NRXN1: variants seen among roughly 807,000 people sequenced by gnomAD.
The protein encoded by NRXN1 is neurexin-1.
NRXN1 carries 39 observed loss-of-function variants against 150.9 expected under a neutral mutation model. That is an observed-to-expected ratio of 0.26 (90% CI 0.20 to 0.34). The LOEUF is 0.34. NRXN1 is among the 10% of genes least tolerant of loss of function. The pLI is 1.00. For synonymous variants in NRXN1, 924 were observed against 757.0 expected, an observed-to-expected ratio of 1.22 and a Z score of -3.62; for missense variants, 1,815 against 1,949.9, an observed-to-expected ratio of 0.93 and a Z score of 1.30.
intron 2 of NRXN1, among the ~76,000 whole-genome samples, chr2:50,996,087 G>A (rs1313222327): frequency 6.6e-6 from 1 of 152,086 alleles, no homozygotes; most frequent in East Asian, 1.9e-4. Flanking sequence ...GGTTCTGCAA[G>A]GAGATATGTT....
chr2:50,383,105 G>A (rs1437283175), intron 17 of NRXN1, among the ~76,000 whole-genome samples: 1 of 152,092 alleles, frequency 6.6e-6, no homozygotes, highest in African/African-American at 2.4e-5. Flanking sequence ...GGGCCAATCA[G>A]GTTGTGCAGA....
intron 5 of NRXN1, among the ~76,000 whole-genome samples, chr2:50,754,289 C>T (rs1381262967): frequency 1.3e-5 from 2 of 151,812 alleles, no homozygotes; most frequent in Admixed American, 1.3e-4. Context: ...GATACATATA[C>T]ACACATCCTC....
chr2:50,331,060 AAAAGT>A (rs1481359860), intron 17 of NRXN1, among the ~76,000 whole-genome samples: 2 of 152,182 alleles, frequency 1.3e-5, no homozygotes, highest in East Asian at 3.8e-4. Context: ...TTTTTTAAAG[AAAAGT>A]ATAGATGATT....
chr2:50,312,866 G>A (rs767315971), intron 17 of NRXN1: 2 of 456,062 alleles, frequency 4.4e-6, no homozygotes, highest in South Asian at 1.5e-5. Context: ...TTTTGATAGA[G>A]GCAGGCAGTG....
intron 18 of NRXN1, among the ~76,000 whole-genome samples, chr2:50,217,466 G>A (rs1157194263): frequency 1.3e-5 from 2 of 151,914 alleles, no homozygotes; most frequent in East Asian, 3.9e-4. Flanking sequence ...AAACTTATTG[G>A]ACCTTCTTTT....
chr2:50,193,350 G>C (rs1195113975), intron 18 of NRXN1, among the ~76,000 whole-genome samples: 1 of 152,014 alleles, frequency 6.6e-6, no homozygotes, highest in Non-Finnish European at 1.5e-5. Context: ...GAGTGTTCTG[G>C]TATTGTCCCA....
intron 5 of NRXN1, among the ~76,000 whole-genome samples, chr2:50,644,116 C>T (rs767517286): frequency 8.1e-4 from 122 of 150,654 alleles, no homozygotes; most frequent in Non-Finnish European, 9.9e-4. Flanking sequence ...TATTTTTTAA[C>T]GTTCAGGTAA....
chr2:50,230,685 T>C (rs1177389209), intron 18 of NRXN1, among the ~76,000 whole-genome samples: 1 of 151,964 alleles, frequency 6.6e-6, no homozygotes, highest in Non-Finnish European at 1.5e-5. Flanking sequence ...AGGAAATAAC[T>C]CTAGAATTCT....
At chr2:50,452,569 A>G (rs2087075758) in intron 17 of NRXN1, among the ~76,000 whole-genome samples, 1 of 152,190 alleles carries the variant, frequency 6.6e-6, no homozygotes, top group Non-Finnish European at 1.5e-5. Flanking sequence ...AGATCTTACT[A>G]GATATGGGCT....
At chr2:50,643,965 T>C (rs1227870252) in intron 5 of NRXN1, among the ~76,000 whole-genome samples, 1 of 151,910 alleles carries the variant, frequency 6.6e-6, no homozygotes, top group African/African-American at 2.4e-5. Flanking sequence ...CAGTCTATAA[T>C]TTAAAGTTTG....
intron 5 of NRXN1, chr2:50,656,316 A>G: frequency 2.7e-6 from 2 of 746,692 alleles, no homozygotes; most frequent in South Asian, 1.5e-5. Context: ...ATCAATTTTA[A>G]AAGTAACACT....
intron 2 of NRXN1, among the ~76,000 whole-genome samples, chr2:50,951,912 T>C (rs1229398649): frequency 2.0e-5 from 3 of 148,292 alleles, no homozygotes; most frequent in Non-Finnish European, 3.0e-5. Flanking sequence ...ATGAATTTCA[T>C]TTTTAGAGTA....
At position 51,028,257 on chromosome 2, in the gene NRXN1, A is replaced by G. The variant is rs1220439982; in HGVS notation, c.17T>C (p.Leu6Pro). 6.9e-7 allele frequency: 1 copy of G among 1,455,362 alleles called. No individual in the cohort carries two copies. Among genetic ancestry groups the G allele is most frequent in the Non-Finnish European group, 9.0e-7 (1 of 1,110,332 alleles). 90.2% of individuals were successfully genotyped at this position (1,455,362 alleles called of 1,614,324 possible). MGTALLQRGGCFLLCL... is the reference protein window; with the variant it reads MGTALPQRGGCFLLCL... ...CAGAAGAAAACAGCCCCCGCGCTGG[A>G]GCAGCGCCGTCCCCATGCTCGGGGC... The change falls in exon 2 of 23, where the codon CTC becomes CCC. Residue 6 changes from leucine to proline, a missense_variant. This residue lies in a region of NRXN1 where 554 missense variants were observed against 478.8 expected (regional missense o/e 1.16). Transcript: ENST00000401669.
At chr2:50,009,997 G>T (rs1685392240) in intron 21 of NRXN1, among the ~76,000 whole-genome samples, 1 of 151,888 alleles carries the variant, frequency 6.6e-6, no homozygotes, top group Non-Finnish European at 1.5e-5. Flanking sequence ...ATATATTTTT[G>T]CACTCTCTTT....
At chr2:50,297,009 A>G (rs1203189239) in intron 17 of NRXN1, among the ~76,000 whole-genome samples, 2 of 151,610 alleles carry the variant, frequency 1.3e-5, no homozygotes, top group Non-Finnish European at 2.9e-5. Context: ...CAGGCTCCCA[A>G]GTAGCTGGGA....
At chr2:50,173,634 C>T (rs1053111869) in intron 18 of NRXN1, among the ~76,000 whole-genome samples, 14 of 152,122 alleles carry the variant, frequency 9.2e-5, no homozygotes, top group African/African-American at 3.4e-4. Flanking sequence ...ACATGCATAA[C>T]GAGCCCATTT....
rs1278680539 is a variant in NRXN1, at chr2:50,552,889, G to T, written c.1457C>A (p.Thr486Asn). 1.2e-6 allele frequency: 2 copies of T among 1,613,932 alleles called. No homozygotes were observed. The highest frequency in any genetic ancestry group is 1.7e-5 in the Admixed American group (1 of 60,022). ...VATLDPITFE[T>N]PESFISLPKW... The stretch of plus-strand genomic sequence containing the variant: ...AGGCAAAGAGATGAAAGACTCTGGG[G>T]TTTCAAAGGTGATTGGGTCTAAAGT... Residue 486 changes from threonine to asparagine, a missense_variant, in exon 9 of 23, where the codon ACC (threonine) becomes AAC (asparagine). Physicochemically the swap from Thr to Asn is moderately conservative, Grantham distance 65. This residue lies in a region of NRXN1 where 638 missense variants were observed against 652.6 expected (regional missense o/e 0.98). Coordinates refer to ENST00000401669, the MANE Select transcript of NRXN1 (RefSeq NM_001330078.2).
At chr2:50,572,207 G>A (rs377467102) in intron 8 of NRXN1, among the ~76,000 whole-genome samples, 1 of 152,140 alleles carries the variant, frequency 6.6e-6, no homozygotes, top group South Asian at 2.1e-4. Context: ...GTCCTGAAGG[G>A]CATGCACATA....
At chr2:50,546,823 G>A (rs1367917422) in intron 9 of NRXN1, among the ~76,000 whole-genome samples, 1 of 152,088 alleles carries the variant, frequency 6.6e-6, no homozygotes, top group Non-Finnish European at 1.5e-5. Flanking sequence ...GTGTGGATAT[G>A]AAACAAAATA....
Sources: allele counts gnomAD v4.1 joint callset (sites outside exome capture counted in the v4.1 genomes callset), GRCh38; gene constraint gnomAD v4.1.1; regional missense constraint gnomAD v4.1.1; transcripts MANE v1.5; gene names NCBI Gene and HGNC (gene_info 2026-07-23, HGNC 2026-07-21).